Variants in MSR1 observed in about 807,000 individuals in gnomAD.
MSR1 encodes the protein macrophage scavenger receptor types I and II.
Under a neutral mutation model 47.2 loss-of-function variants are expected in MSR1, and 53 were observed. The ratio of observed to expected loss-of-function variants is 1.12; its 90% CI spans 0.90 to 1.41. The LOEUF (loss-of-function observed/expected upper bound fraction) is 1.41, where lower values mean the gene tolerates loss of function less well. Ranked by LOEUF, MSR1 falls within the 40% of genes most tolerant of loss-of-function variation. The pLI, the probability that MSR1 is intolerant of heterozygous loss-of-function variation, is 0.00. For missense variants in MSR1, 786 were observed against 546.9 expected (o/e 1.44, Z -4.36); for synonymous variants, 239 against 185.6 (o/e 1.29, Z -2.34).
intron 8 of MSR1, among the ~76,000 whole-genome samples, chr8:16,143,352 T>C (rs1356112989): frequency 2.0e-5 from 3 of 152,152 alleles, no homozygotes; most frequent in Admixed American, 2.0e-4. Context: ...GACAAATGGA[T>C]AATGAGATTG....
At chr8:16,117,607 AAT>A (rs1391720619) in intron 9 of MSR1, among the ~76,000 whole-genome samples, 1 of 152,110 alleles carries the variant, frequency 6.6e-6, no homozygotes, top group Non-Finnish European at 1.5e-5. Context: ...TTCGAAGCAG[AAT>A]ATCCTGAAAT....
At chr8:16,183,127 T>A (rs570211957) in intron 1 of MSR1, among the ~76,000 whole-genome samples, 18 of 152,242 alleles carry the variant, frequency 1.2e-4, no homozygotes, top group African/African-American at 4.1e-4. Context: ...GTAGTGCATG[T>A]CTATAACCAG....
intron 5 of MSR1, among the ~76,000 whole-genome samples, chr8:16,156,616 C>T (rs2117149401): frequency 6.6e-6 from 1 of 151,766 alleles, no homozygotes; most frequent in South Asian, 2.1e-4. Flanking sequence ...AACATAAAAG[C>T]CTAGAAAAAG....
intron 7 of MSR1, among the ~76,000 whole-genome samples, chr8:16,146,278 TC>T (rs1800696593): frequency 6.6e-6 from 1 of 152,084 alleles, no homozygotes; most frequent in African/African-American, 2.4e-5. Context: ...CCTTACACTA[TC>T]TTTTTTGCTT....
At chr8:16,155,904 A>T (rs909037487) in intron 5 of MSR1, among the ~76,000 whole-genome samples, 5 of 151,594 alleles carry the variant, frequency 3.3e-5, no homozygotes, top group Admixed American at 3.3e-4. Context: ...TGGTCTCATC[A>T]TTTTTTTTCA....
At chr8:16,113,016 T>A (rs2117047279) in intron 9 of MSR1, among the ~76,000 whole-genome samples, 1 of 148,652 alleles carries the variant, frequency 6.7e-6, no homozygotes, top group Middle Eastern at 3.5e-3. Flanking sequence ...AATGGCGTGA[T>A]CTCGGCTCAC....
intron 1 of MSR1, among the ~76,000 whole-genome samples, chr8:16,190,003 C>T (rs2116953536): frequency 6.7e-6 from 1 of 148,868 alleles, no homozygotes; most frequent in East Asian, 2.0e-4. Context: ...AAACCTCTGC[C>T]TCCTGGGTTC....
rs761532249 is a variant in MSR1, at chr8:16,120,542, G to C, written c.1098C>G (p.Leu366=). Residue 366 remains leucine, a synonymous_variant, in exon 9 of 10, where the codon CTC becomes CTG. Transcript: ENST00000262101. Reference sequence around the variant, plus strand: ...AAATTGTACCCCACTGGCCGCTGTGGAGTATCTCCACCCTCCCCTCGTGAG... The same window carrying C: ...AAATTGTACCCCACTGGCCGCTGTGCAGTATCTCCACCCTCCCCTCGTGAG... ...SGPHEGRVEI[L]HSGQWGTICD... 6.2e-7 allele frequency: 1 copy of C among 1,609,996 alleles called. No individual in the cohort carries two copies. The highest frequency in any genetic ancestry group is 8.5e-7 in the Non-Finnish European group (1 of 1,179,128).
At chr8:16,183,971 G>T (rs1801919730) in intron 1 of MSR1, among the ~76,000 whole-genome samples, 1 of 148,894 alleles carries the variant, frequency 6.7e-6, no homozygotes, top group Non-Finnish European at 1.5e-5. Context: ...GGTAATCAAG[G>T]TAGGAATACA....
chr8:16,110,351 T>C, intron 9 of MSR1, 133 bp from the exon 10 acceptor site: 1 of 982,734 alleles, frequency 1.0e-6, no homozygotes, highest in South Asian at 1.4e-5. Flanking sequence ...AGTTCTGTGC[T>C]CTCTAGTAGG....
At chr8:16,155,922 C>G (rs1036261248) in intron 5 of MSR1, among the ~76,000 whole-genome samples, 1 of 151,742 alleles carries the variant, frequency 6.6e-6, no homozygotes, top group Non-Finnish European at 1.5e-5. Context: ...TCAGGTGGCT[C>G]TCCTGAGAGC....
At chr8:16,119,786 A>G (rs866991266) in intron 9 of MSR1, among the ~76,000 whole-genome samples, 1 of 151,268 alleles carries the variant, frequency 6.6e-6, no homozygotes, top group Admixed American at 6.6e-5. Flanking sequence ...TAGCTCATGT[A>G]ACCTGGAACT....
intron 1 of MSR1, among the ~76,000 whole-genome samples, chr8:16,191,630 T>C (rs434650): frequency 0.18 from 27,755 of 151,966 alleles, 3,967 homozygotes; most frequent in African/African-American, 0.39. Context: ...TGTAAGTAAC[T>C]AGTCAAGTTA....
intron 4 of MSR1, among the ~76,000 whole-genome samples, chr8:16,167,341 C>T (rs572150921): frequency 6.6e-5 from 10 of 152,158 alleles, no homozygotes; most frequent in East Asian, 1.9e-4. Flanking sequence ...GCCAGGAGTT[C>T]GAGATCAGCC....
At chr8:16,188,533 G>T (rs1006606200) in intron 1 of MSR1, among the ~76,000 whole-genome samples, 3 of 151,792 alleles carry the variant, frequency 2.0e-5, no homozygotes, top group African/African-American at 7.3e-5. Context: ...TGGGATACAC[G>T]TGCAGAACGT....
intron 1 of MSR1, among the ~76,000 whole-genome samples, chr8:16,183,840 T>C (rs201754367): frequency 1.4e-5 from 2 of 144,198 alleles, no homozygotes; most frequent in East Asian, 3.9e-4. Context: ...ATTTTATATA[T>C]CATAGAATTG....
intron 1 of MSR1, among the ~76,000 whole-genome samples, chr8:16,190,057 G>C (rs1024559895): frequency 1.3e-5 from 2 of 151,244 alleles, no homozygotes; most frequent in African/African-American, 2.4e-5. Flanking sequence ...GGGATTATAG[G>C]CGTTTGCCAC....
chr8:16,149,854 A>G (rs532094860), intron 7 of MSR1, among the ~76,000 whole-genome samples: 1 of 151,414 alleles, frequency 6.6e-6, no homozygotes, highest in Admixed American at 6.6e-5. Flanking sequence ...CAGTCTTTCA[A>G]CTCTCTTTGT....
At chr8:16,112,989 C>A (rs112610538) in intron 9 of MSR1, among the ~76,000 whole-genome samples, 1 of 136,644 alleles carries the variant, frequency 7.3e-6, no homozygotes, top group Non-Finnish European at 1.5e-5. Context: ...CTCCCTCTAT[C>A]GCCCAGGCTG....
Sources: allele counts gnomAD v4.1 joint callset (sites outside exome capture counted in the v4.1 genomes callset), GRCh38; gene constraint gnomAD v4.1.1; transcripts MANE v1.5; gene names NCBI Gene and HGNC (gene_info 2026-07-23, HGNC 2026-07-21).